Variants in PDE8B observed in about 807,000 individuals in gnomAD.
PDE8B encodes the protein high affinity cAMP-specific and IBMX-insensitive 3',5'-cyclic phosphodiesterase 8B.
Under a neutral mutation model 101.3 loss-of-function variants are expected in PDE8B, and 26 were observed. The observed-to-expected ratio is 0.26, with a 90% confidence interval of 0.19 to 0.36. The LOEUF (loss-of-function observed/expected upper bound fraction) is 0.36, where lower values mean the gene tolerates loss of function less well. Among genes scored for constraint, PDE8B ranks in the 10% least tolerant of loss-of-function variants. PDE8B has a pLI of 1.00. For missense variants in PDE8B, 810 were observed against 1,163.1 expected (o/e 0.70, Z 4.42); for synonymous variants, 424 against 429.3 (o/e 0.99, Z 0.15).
intron 2 of PDE8B, among the ~76,000 whole-genome samples, chr5:77,321,142 ATTTT>A (rs10538529): frequency 2.2e-3 from 165 of 76,440 alleles, no homozygotes; most frequent in African/African-American, 7.5e-3. Flanking sequence ...CAGTATCTCT[ATTTT>A]TTTTTTTTTT....
intron 1 of PDE8B, among the ~76,000 whole-genome samples, chr5:77,229,692 A>G (rs1482218698): frequency 6.6e-6 from 1 of 152,102 alleles, no homozygotes. Context: ...GACTCATACA[A>G]TATGTAGGGT....
At chr5:77,104,607 T>A in the PDE8B span, 4 of 152,226 alleles carry the variant, frequency 2.6e-5, no homozygotes, top group Non-Finnish European at 5.9e-5. Context: ...AGACGCTGAA[T>A]CTGCTGGCTC....
At chr5:77,156,189 T>C in the PDE8B span, among the ~76,000 whole-genome samples, 15 of 152,304 alleles carry the variant, frequency 9.8e-5, no homozygotes, top group Admixed American at 6.5e-4. Context: ...AGAGGGAAGA[T>C]ATTTTGAGAT....
chr5:77,088,866 G>T, the PDE8B span: 1 of 152,220 alleles, frequency 6.6e-6, no homozygotes, highest in African/African-American at 2.4e-5. Flanking sequence ...CAGGCTTGAG[G>T]GTGGGGCCTT....
chr5:77,323,376 A>C (rs1381120481), intron 2 of PDE8B, among the ~76,000 whole-genome samples: 2 of 152,232 alleles, frequency 1.3e-5, no homozygotes, highest in Admixed American at 6.5e-5. Context: ...TGGCATATAT[A>C]ATATATCCAG....
chr5:77,140,156 C>T, the PDE8B span: 2 of 152,232 alleles, frequency 1.3e-5, no homozygotes, highest in Non-Finnish European at 2.9e-5. Flanking sequence ...TTTCTGCCCA[C>T]AGTGAAAATT....
At chr5:77,092,152 T>C in the PDE8B span, among the ~76,000 whole-genome samples, 1 of 152,212 alleles carries the variant, frequency 6.6e-6, no homozygotes, top group African/African-American at 2.4e-5. Flanking sequence ...CTTAACAAGA[T>C]GTATTTTTTA....
chr5:77,106,835 C>A, the PDE8B span, among the ~76,000 whole-genome samples: 2 of 152,028 alleles, frequency 1.3e-5, no homozygotes, highest in African/African-American at 4.8e-5. Flanking sequence ...TTACCCCAAA[C>A]TATGTCATAT....
intron 1 of PDE8B, among the ~76,000 whole-genome samples, chr5:77,217,458 C>T (rs1385745535): frequency 2.6e-5 from 4 of 151,814 alleles, no homozygotes; most frequent in Non-Finnish European, 5.9e-5. Context: ...TAAAATGTGT[C>T]CAGGAATTTA....
At chr5:77,326,763 G>GTGT (rs1414182637) in intron 3 of PDE8B, among the ~76,000 whole-genome samples, 1 of 152,080 alleles carries the variant, frequency 6.6e-6, no homozygotes, top group Non-Finnish European at 1.5e-5. Context: ...ATTGGGTCTT[G>GTGT]TAAAACTAAG....
chr5:77,253,081 C>G (rs1758396973), intron 1 of PDE8B, among the ~76,000 whole-genome samples: 1 of 152,130 alleles, frequency 6.6e-6, no homozygotes, highest in East Asian at 1.9e-4. Context: ...ATACTAGGAG[C>G]AGGAACTGAT....
At chr5:77,269,299 C>T (rs1011313929) in intron 1 of PDE8B, among the ~76,000 whole-genome samples, 1 of 152,044 alleles carries the variant, frequency 6.6e-6, no homozygotes, top group African/African-American at 2.4e-5. Flanking sequence ...CTATTCAGGT[C>T]TTTTGCCCAT....
chr5:77,146,536 C>T, the PDE8B span: 3 of 181,620 alleles, frequency 1.7e-5, no homozygotes, highest in Non-Finnish European at 3.5e-5. Context: ...TACTGGAAAG[C>T]TCTGTGCCTC....
chr5:77,170,198 A>G, the PDE8B span, among the ~76,000 whole-genome samples: 2 of 152,128 alleles, frequency 1.3e-5, no homozygotes, highest in African/African-American at 2.4e-5. Flanking sequence ...AAACCAAAGG[A>G]AGCATAGGTT....
chr5:77,192,749 T>C, the PDE8B span, among the ~76,000 whole-genome samples: 2 of 152,220 alleles, frequency 1.3e-5, no homozygotes, highest in Non-Finnish European at 2.9e-5. Context: ...TAAGAAAATA[T>C]TAGAGACTGC....
chr5:77,251,825 T>C (rs2149625800), intron 1 of PDE8B, among the ~76,000 whole-genome samples: 1 of 152,384 alleles, frequency 6.6e-6, no homozygotes, highest in Admixed American at 6.5e-5. Context: ...TGATTATTAC[T>C]TTTTTCAGTT....
intron 1 of PDE8B, among the ~76,000 whole-genome samples, chr5:77,233,576 T>A (rs1286874544): frequency 6.6e-6 from 1 of 151,828 alleles, no homozygotes; most frequent in Non-Finnish European, 1.5e-5. Context: ...GATTCTATAT[T>A]TAGTAGTTTA....
At chr5:77,311,902 C>T (rs137993251) in intron 1 of PDE8B, 92 bp from the exon 2 acceptor site, 107 of 987,480 alleles carry the variant, frequency 1.1e-4, no homozygotes, top group Admixed American at 1.5e-4. Context: ...TTAGTGCACA[C>T]GGTGGCATAA....
At chr5:77,284,668 C>T (rs1472529779) in intron 1 of PDE8B, among the ~76,000 whole-genome samples, 1 of 152,182 alleles carries the variant, frequency 6.6e-6, no homozygotes, top group Non-Finnish European at 1.5e-5. Context: ...TCTATTCACA[C>T]TTTTAAAACC....
Sources: gnomAD v4.1 joint callset for allele counts (sites outside exome capture counted in the v4.1 genomes callset) on GRCh38, gnomAD v4.1.1 for gene constraint, MANE v1.5 for transcripts, NCBI Gene and HGNC (gene_info 2026-07-23, HGNC 2026-07-21) for gene names.